Variants in PAN3 observed in about 807,000 individuals in gnomAD.
PAN3 encodes PAN2-PAN3 deadenylation complex subunit PAN3.
A neutral mutation model predicts 96.2 loss-of-function variants in PAN3; 19 were observed. That is an observed-to-expected ratio of 0.20 (90% CI 0.14 to 0.29). The LOEUF is 0.29. PAN3 is among the 10% of genes least tolerant of loss of function. The probability of loss-of-function intolerance (pLI) is 1.00; values close to 1 mark genes in which losing one functional copy is unlikely to be tolerated. For missense variants in PAN3, 882 were observed against 1,108.1 expected, an observed-to-expected ratio of 0.80 and a Z score of 2.90; for synonymous variants, 433 against 406.6, an observed-to-expected ratio of 1.06 and a Z score of -0.78.
chr13:28,246,696 C>CT (rs1884227646), intron 6 of PAN3, among the ~76,000 whole-genome samples: 1 of 152,028 alleles, frequency 6.6e-6, no homozygotes, highest in Admixed American at 6.6e-5. Context: ...CTGTTCCTGG[C>CT]CTTATTTCAC....
At chr13:28,242,953 C>G (rs887072271) in intron 6 of PAN3, among the ~76,000 whole-genome samples, 1 of 152,060 alleles carries the variant, frequency 6.6e-6, no homozygotes, top group South Asian at 2.1e-4. Flanking sequence ...TAATTGGTGT[C>G]TTTAAAAAAA....
At chr13:28,140,048 A>G (rs1477033009) in intron 1 of PAN3, among the ~76,000 whole-genome samples, 1 of 152,048 alleles carries the variant, frequency 6.6e-6, no homozygotes, top group Non-Finnish European at 1.5e-5. Context: ...CCCGAGTTCA[A>G]GCGATTCTGT....
intron 12 of PAN3, among the ~76,000 whole-genome samples, chr13:28,267,931 G>C (rs1367710354): frequency 6.6e-6 from 1 of 152,036 alleles, no homozygotes; most frequent in African/African-American, 2.4e-5. Context: ...TGGAGATGAT[G>C]GTCAAGAAGT....
intron 5 of PAN3, chr13:28,214,957 T>C: frequency 2.9e-6 from 4 of 1,371,468 alleles, no homozygotes; most frequent in Non-Finnish European, 4.1e-6. Flanking sequence ...GTGAAACAAC[T>C]AATTGTTGGT....
intron 5 of PAN3, chr13:28,215,995 A>G: frequency 2.8e-6 from 2 of 716,178 alleles, no homozygotes; most frequent in Middle Eastern, 4.1e-4. Flanking sequence ...TAATAGTAAA[A>G]GACTGGTTAA....
At chr13:28,243,758 G>A (rs541341973) in intron 6 of PAN3, among the ~76,000 whole-genome samples, 3 of 152,016 alleles carry the variant, frequency 2.0e-5, no homozygotes, top group Non-Finnish European at 2.9e-5. Flanking sequence ...GCATGATCTC[G>A]GCTCCCTGTG....
At chr13:28,195,008 CTAAAGTATGATAGCAAA>C (rs1288922670) in intron 4 of PAN3, among the ~76,000 whole-genome samples, 1 of 151,970 alleles carries the variant, frequency 6.6e-6, no homozygotes, top group Non-Finnish European at 1.5e-5. Flanking sequence ...TATGGCTTTT[CTAAAGTATGATAGCAAA>C]TAAAAAAAAA....
At chr13:28,275,957 G>A (rs1887022059) in intron 14 of PAN3, among the ~76,000 whole-genome samples, 1 of 151,848 alleles carries the variant, frequency 6.6e-6, no homozygotes, top group Non-Finnish European at 1.5e-5. Flanking sequence ...TGTTATTTTA[G>A]TAATGGAGTT....
chr13:28,264,289 A>G (rs547149224), intron 9 of PAN3, among the ~76,000 whole-genome samples: 15 of 152,344 alleles, frequency 9.8e-5, no homozygotes, highest in African/African-American at 3.4e-4. Flanking sequence ...CTGTAATCCC[A>G]GCACTTTGGG....
At chr13:28,239,337 G>T (rs1174748805) in intron 6 of PAN3, among the ~76,000 whole-genome samples, 3 of 151,896 alleles carry the variant, frequency 2.0e-5, no homozygotes, top group Non-Finnish European at 4.4e-5. Flanking sequence ...AAACCATATG[G>T]TTTGTGCTAT....
At chr13:28,243,885 A>G (rs1205846897) in intron 6 of PAN3, among the ~76,000 whole-genome samples, 1 of 151,902 alleles carries the variant, frequency 6.6e-6, no homozygotes, top group Non-Finnish European at 1.5e-5. Context: ...GCGGTATTTC[A>G]CCATGTTGGT....
intron 1 of PAN3, among the ~76,000 whole-genome samples, chr13:28,140,670 C>A (rs1593339761): frequency 6.6e-6 from 1 of 150,802 alleles, no homozygotes; most frequent in Middle Eastern, 3.4e-3. Flanking sequence ...GAGTGAGGCA[C>A]CATGCTGGGC....
intron 17 of PAN3, 132 bp downstream of exon 17, chr13:28,281,511 G>A: frequency 2.4e-6 from 2 of 817,750 alleles, no homozygotes; most frequent in South Asian, 1.7e-5. Flanking sequence ...GATTGTGTTA[G>A]CTGTTAAGGT....
At chr13:28,171,275 T>TTC (rs35922653) in intron 1 of PAN3, among the ~76,000 whole-genome samples, 1 of 151,790 alleles carries the variant, frequency 6.6e-6, no homozygotes, top group Admixed American at 6.5e-5. Flanking sequence ...TGCTCCTGTT[T>TTC]TCTACTACAC....
At chr13:28,197,456 TAGG>T in intron 5 of PAN3, 110 bp downstream of exon 5, 1 of 1,064,208 alleles carries the variant, frequency 9.4e-7, no homozygotes, top group Non-Finnish European at 1.3e-6. Context: ...CTGGTATACT[TAGG>T]TAATTAAAAA....
intron 6 of PAN3, among the ~76,000 whole-genome samples, chr13:28,245,733 T>C (rs957540750): frequency 6.6e-6 from 1 of 152,208 alleles, no homozygotes; most frequent in Non-Finnish European, 1.5e-5. Flanking sequence ...TTTTTATAGA[T>C]TTGCCTGTGC....
intron 6 of PAN3, among the ~76,000 whole-genome samples, chr13:28,230,519 C>A (rs1701879846): frequency 6.6e-6 from 1 of 151,446 alleles, no homozygotes; most frequent in Non-Finnish European, 1.5e-5. Flanking sequence ...ACAAAAAAAT[C>A]AACTAAATTG....
intron 15 of PAN3, among the ~76,000 whole-genome samples, chr13:28,279,875 C>T (rs1887326007): frequency 6.6e-6 from 1 of 151,792 alleles, no homozygotes; most frequent in Non-Finnish European, 1.5e-5. Flanking sequence ...TCTCAGCTCA[C>T]TGCAGCCTCT....
In PAN3 at chr13:28,174,336, C is replaced by T. The variant is rs763916215; in HGVS notation, c.495C>T (p.Ser165=). 1.6e-5 allele frequency: 25 copies of T among 1,612,256 alleles called. No homozygotes were observed. Among genetic ancestry groups the T allele is most frequent in the Middle Eastern group, 3.3e-4 (2 of 6,072 alleles). ...TCACAGATTCCTATTTTAGCACCAG[C>T]TTTATTGGAGTCAATGGATTTGGAA... ...TSLTDSYFST[S]FIGVNGFGSP... The change falls in exon 2 of 19, where the codon AGC becomes AGT. Residue 165 remains serine, a synonymous_variant. Coordinates refer to ENST00000380958, the MANE Select transcript of PAN3 (RefSeq NM_175854.8).
Sources: gnomAD v4.1 joint callset for allele counts (sites outside exome capture counted in the v4.1 genomes callset) on GRCh38, gnomAD v4.1.1 for gene constraint, MANE v1.5 for transcripts, NCBI Gene and HGNC (gene_info 2026-07-23, HGNC 2026-07-21) for gene names.